BANK1: variants seen among roughly 807,000 people sequenced by gnomAD.
The protein encoded by BANK1 is B cell scaffold protein with ankyrin repeats 1, also known as B-cell scaffold protein with ankyrin repeats.
A neutral mutation model predicts 94.5 loss-of-function variants in BANK1; 95 were observed. The ratio of observed to expected loss-of-function variants is 1.00; its 90% CI spans 0.85 to 1.19. BANK1 has a LOEUF of 1.19. Ranked by LOEUF, BANK1 falls within the 50% of genes most tolerant of loss-of-function variation. BANK1 has a pLI of 0.00. For missense variants in BANK1, 987 were observed against 932.2 expected (o/e 1.06, Z -0.77); for synonymous variants, 334 against 308.4 (o/e 1.08, Z -0.87).
At chr4:101,859,816 A>G (rs1049986860) in intron 3 of BANK1, among the ~76,000 whole-genome samples, 1 of 152,206 alleles carries the variant, frequency 6.6e-6, no homozygotes, top group African/African-American at 2.4e-5. Context: ...GAAAGGTGCT[A>G]CGATAATATA....
chr4:101,834,778 G>A (rs1326780009), intron 2 of BANK1, among the ~76,000 whole-genome samples: 1 of 152,074 alleles, frequency 6.6e-6, no homozygotes, highest in African/African-American at 2.4e-5. Flanking sequence ...CTATGAAAAA[G>A]AGAATGATAA....
chr4:101,894,209 C>G (rs13109260), intron 5 of BANK1, among the ~76,000 whole-genome samples: 11,422 of 152,032 alleles, frequency 0.075, 643 homozygotes, highest in Admixed American at 0.19. Context: ...GAAGGCAGAG[C>G]TTTTTGTCAC....
intron 10 of BANK1, among the ~76,000 whole-genome samples, chr4:102,033,786 G>A (rs150175821): frequency 0.025 from 3,757 of 152,184 alleles, 62 homozygotes; most frequent in Non-Finnish European, 0.038. Flanking sequence ...TATAAAATAG[G>A]TATGGTTATT....
At chr4:101,903,759 C>T (rs1395056253) in intron 6 of BANK1, among the ~76,000 whole-genome samples, 1 of 152,166 alleles carries the variant, frequency 6.6e-6, no homozygotes, top group East Asian at 1.9e-4. Flanking sequence ...TTCTGAAAGT[C>T]ATTTAATGTT....
intron 7 of BANK1, chr4:101,982,001 C>T (rs921910235): frequency 2.0e-5 from 3 of 152,148 alleles, no homozygotes; most frequent in African/African-American, 7.2e-5. Context: ...CTCAGTTCCC[C>T]CATGCCTCTC....
intron 1 of BANK1, among the ~76,000 whole-genome samples, chr4:101,810,084 GAGA>G (rs1725689087): frequency 6.6e-6 from 1 of 152,178 alleles, no homozygotes; most frequent in African/African-American, 2.4e-5. Flanking sequence ...ATGGCAGCAT[GAGA>G]AGGACTTGGC....
chr4:101,825,448 G>A (rs1560589305), intron 1 of BANK1, among the ~76,000 whole-genome samples: 1 of 152,108 alleles, frequency 6.6e-6, no homozygotes, highest in East Asian at 1.9e-4. Context: ...AGAAAACCAT[G>A]GCTTATTAAA....
chr4:101,927,227 A>C (rs1281559629), intron 7 of BANK1, among the ~76,000 whole-genome samples: 2 of 151,674 alleles, frequency 1.3e-5, no homozygotes, highest in African/African-American at 4.8e-5. Flanking sequence ...GGAGAGAAGG[A>C]GGAATTGTCA....
chr4:102,067,984 C>A (rs2148966832), intron 13 of BANK1, among the ~76,000 whole-genome samples: 1 of 152,120 alleles, frequency 6.6e-6, no homozygotes, highest in South Asian at 2.1e-4. Flanking sequence ...ATCTTATATT[C>A]TCTTACCACA....
At chr4:102,006,357 T>G (rs908269987) in intron 7 of BANK1, among the ~76,000 whole-genome samples, 15 of 152,030 alleles carry the variant, frequency 9.9e-5, no homozygotes, top group African/African-American at 3.6e-4. Flanking sequence ...GTCCCACTTC[T>G]AGAGATTCTA....
intron 7 of BANK1, among the ~76,000 whole-genome samples, chr4:101,948,393 A>C (rs1344456219): frequency 6.6e-6 from 1 of 152,114 alleles, no homozygotes; most frequent in Non-Finnish European, 1.5e-5. Context: ...ATAATCATGT[A>C]ACAGGTTGCA....
At chr4:101,981,674 G>A (rs184818817) in intron 7 of BANK1, among the ~76,000 whole-genome samples, 177 of 152,052 alleles carry the variant, frequency 1.2e-3, no homozygotes, top group Non-Finnish European at 2.0e-3. Context: ...GGTTCCTGGT[G>A]GGAGTTCCCT....
At chr4:101,870,675 A>C in intron 5 of BANK1, 31 bp downstream of exon 5, 2 of 1,597,620 alleles carry the variant, frequency 1.3e-6, no homozygotes, top group Middle Eastern at 3.4e-4. Flanking sequence ...AGTTAATCAT[A>C]ATGTAAGCTG....
chr4:101,951,130 CT>C (rs1724135452), intron 7 of BANK1, among the ~76,000 whole-genome samples: 1 of 152,016 alleles, frequency 6.6e-6, no homozygotes, highest in Non-Finnish European at 1.5e-5. Context: ...ATCATTATTG[CT>C]TTGCTCAGCA....
chr4:102,062,361 G>A (rs1560715670), intron 12 of BANK1: 1 of 152,168 alleles, frequency 6.6e-6, no homozygotes, highest in African/African-American at 2.4e-5. Context: ...GAAGAGTTTG[G>A]CACCACTGGT....
chr4:101,920,969 A>G (rs1043428831), intron 7 of BANK1, among the ~76,000 whole-genome samples: 1 of 151,842 alleles, frequency 6.6e-6, no homozygotes, highest in African/African-American at 2.4e-5. Context: ...GGGGAGGAAG[A>G]GAAAGGAGAG....
At chr4:101,922,356 T>G (rs914858059) in intron 7 of BANK1, among the ~76,000 whole-genome samples, 10 of 151,848 alleles carry the variant, frequency 6.6e-5, no homozygotes, top group African/African-American at 2.4e-4. Context: ...TATATATCCA[T>G]GTTATATAAT....
At chr4:101,987,061 C>T (rs749944052) in intron 7 of BANK1, among the ~76,000 whole-genome samples, 1 of 149,900 alleles carries the variant, frequency 6.7e-6, no homozygotes, top group Non-Finnish European at 1.5e-5. Flanking sequence ...GTTGCCCAAC[C>T]AATTAGAGAC....
At chr4:101,869,024 T>C (rs1340799193) in intron 4 of BANK1, among the ~76,000 whole-genome samples, 1 of 151,790 alleles carries the variant, frequency 6.6e-6, no homozygotes, top group Non-Finnish European at 1.5e-5. Flanking sequence ...ATATAAGAAA[T>C]AAATCAGTTC....
Sources: allele counts gnomAD v4.1 joint callset (sites outside exome capture counted in the v4.1 genomes callset), GRCh38; gene constraint gnomAD v4.1.1; transcripts MANE v1.5; gene names NCBI Gene and HGNC (gene_info 2026-07-23, HGNC 2026-07-21).